Variants in EXD2 observed in about 807,000 individuals in gnomAD.
The protein encoded by EXD2 is exonuclease 3'-5' domain-containing protein 2.
EXD2 carries 40 observed loss-of-function variants against 62.5 expected under a neutral mutation model. The observed-to-expected ratio is 0.64, with a 90% CI of 0.50 to 0.83. The LOEUF (loss-of-function observed/expected upper bound fraction) is 0.83. Ranked by LOEUF, EXD2 falls within the 40% of genes least tolerant of loss-of-function variation. The pLI is 0.00. For synonymous variants in EXD2, 239 were observed against 291.9 expected (o/e 0.82, Z 1.85); for missense variants, 671 against 761.8 (o/e 0.88, Z 1.40).
intron 1 of EXD2, among the ~76,000 whole-genome samples, chr14:69,198,057 A>G (rs2042266669): frequency 6.6e-6 from 1 of 152,138 alleles, no homozygotes; most frequent in South Asian, 2.1e-4. Flanking sequence ...TCCTCTTTGT[A>G]TTGATCTGAC....
rs2043983467 is a variant in EXD2 at position 69,241,506 on chromosome 14, G to A, written c.*406G>A. Reference sequence around the variant, plus strand: ...TCTAACAGGGGCTGTCCAGTATATCGGTCCTGTTAGGAGGGGAGAAAAAGT... The same window carrying A: ...TCTAACAGGGGCTGTCCAGTATATCAGTCCTGTTAGGAGGGGAGAAAAAGT... On this transcript the variant is annotated 3_prime_UTR_variant, in exon 10 of 10. Coordinates refer to ENST00000685843, the MANE Select transcript of EXD2 (RefSeq NM_001193360.2). The A allele has an allele frequency of 1.6e-5, 4 of 250,136 alleles. No individual in the cohort carries two copies. The highest frequency in any genetic ancestry group is 5.1e-5 in the Admixed American group (1 of 19,780). 15.5% of individuals were successfully genotyped at this position (250,136 alleles called of 1,614,324 possible). A position where few individuals can be genotyped will look rare whatever the true frequency, so the allele number is the denominator to read the frequency against.
intron 1 of EXD2, among the ~76,000 whole-genome samples, chr14:69,202,496 G>A (rs142204587): frequency 1.2e-3 from 190 of 152,248 alleles, no homozygotes; most frequent in African/African-American, 4.4e-3. Context: ...TGTTCATTAC[G>A]TGTATTTTTC....
Position 69,237,698 on chromosome 14 carries a change from T to G in EXD2, c.1416T>G (p.His472Gln). The change falls in exon 9 of 10, where the codon CAT (histidine) becomes CAG (glutamine). Residue 472 changes from histidine to glutamine, a missense_variant. By Grantham distance (24) the His-to-Gln change is conservative (BLOSUM62 0). Transcript: ENST00000685843. Reference protein sequence around the residue: ...CHAISNYYDNHLKQQLAKEFQ... With the variant: ...CHAISNYYDNQLKQQLAKEFQ... ...CCATTTCCAACTACTATGACAACCA[T>G]CTGAAGCAGCAGCTGGCCAAGGAGT... is the stretch of plus-strand genomic sequence containing the variant. 6.2e-7 allele frequency: 1 copy of G among 1,614,154 alleles called. No individual in the cohort carries two copies. Among genetic ancestry groups the G allele is most frequent in the Non-Finnish European group, 8.5e-7 (1 of 1,180,012 alleles).
intron 7 of EXD2, 40 bp from the exon 8 acceptor site, chr14:69,236,367 G>T: frequency 6.2e-7 from 1 of 1,613,628 alleles, no homozygotes; most frequent in Non-Finnish European, 8.5e-7. Context: ...GGTGGTGGGG[G>T]CAGGGGGAGC....
Position 69,234,691 on chromosome 14 carries a change from T to A in EXD2, c.718-9T>A. The stretch of plus-strand genomic sequence containing the variant: ...CCAGATTCCACTGATCTCTGACTTT[T>A]CTCTTCAGGTAATTTATGCTGCCAG... On this transcript the variant is annotated splice_polypyrimidine_tract_variant and intron_variant, in intron 5 of 9. Transcript: ENST00000685843. 2 of 1,598,296 alleles carry A rather than the reference T, an allele frequency of 1.3e-6. No individual in the cohort carries two copies. The highest frequency in any genetic ancestry group is 8.5e-7 in the Non-Finnish European group (1 of 1,173,084).
chr14:69,239,672 T>C (rs2043917787), intron 9 of EXD2, among the ~76,000 whole-genome samples: 1 of 152,246 alleles, frequency 6.6e-6, no homozygotes, highest in Non-Finnish European at 1.5e-5. Context: ...AAAAGAATTA[T>C]AGAATTTTAT....
Position 69,243,974 on chromosome 14 carries a change from A to C in EXD2, c.*2874A>C, listed in dbSNP as rs2044044285. 6.6e-6 allele frequency: 1 copy of C among 152,224 alleles called. No homozygotes were observed. Among genetic ancestry groups the C allele is most frequent in the African/African-American group, 2.4e-5 (1 of 41,450 alleles). The allele number at this position is 152,224 out of a possible 1,614,324, so 9.4% of individuals were successfully genotyped here. Reference sequence around the variant, plus strand: ...TGGAAACACTGTTTATTTTAAAATAAAAATGTAAAAAAAAGGTAAAAAAAT... The same window carrying C: ...TGGAAACACTGTTTATTTTAAAATACAAATGTAAAAAAAAGGTAAAAAAAT... On this transcript the variant is annotated 3_prime_UTR_variant, in exon 10 of 10. Transcript: ENST00000685843.
rs71102636 is a variant in EXD2 at position 69,213,084 on chromosome 14, C to CTTT, written c.333+3295_333+3297dup. 1.1e-4 allele frequency among the ~76,000 whole-genome samples: 14 copies of CTTT among 126,590 alleles called. 1 individual carries two copies. Among genetic ancestry groups the CTTT allele is most frequent in the East Asian group, 2.3e-4 (1 of 4,314 alleles). The allele number at this position is 126,590 out of a possible 152,430, so 83.0% of individuals were successfully genotyped here. A position where few individuals can be genotyped will look rare whatever the true frequency, so the allele number is the denominator to read the frequency against. On this transcript the variant is annotated intron_variant, in intron 3 of 9. Transcript: ENST00000685843. ...TACCTTCCTGTATTCTTCTTCTTTT[C>CTTT]TTTTTTTTTTTTTTTTGTAGATGGG...
intron 3 of EXD2, among the ~76,000 whole-genome samples, chr14:69,223,256 T>C (rs2140285979): frequency 6.6e-6 from 1 of 152,328 alleles, no homozygotes; most frequent in South Asian, 2.1e-4. Context: ...TGCCAGCCTT[T>C]CATATTCACC....
intron 5 of EXD2, among the ~76,000 whole-genome samples, chr14:69,232,084 T>A (rs953142542): frequency 2.6e-5 from 4 of 152,164 alleles, no homozygotes; most frequent in Non-Finnish European, 5.9e-5. Context: ...CAATGTGTAA[T>A]CTCTCCCTTA....
At chr14:69,203,756 C>T (rs1023967948) in intron 1 of EXD2, among the ~76,000 whole-genome samples, 161 bp from the exon 2 acceptor site, 2 of 152,178 alleles carry the variant, frequency 1.3e-5, no homozygotes, top group African/African-American at 4.8e-5. Context: ...AAAATTTTAA[C>T]TCTGATTTTT....
rs574452111 is a variant in EXD2, at chr14:69,218,507, T to G, written c.333+8704T>G. On this transcript the variant is annotated intron_variant, in intron 3 of 9. Transcript: ENST00000685843. ...TGTTCACTCTGATGGTAGTTTCTTT[T>G]GCTGTGCAGAAGCTCTTTAGTTTAA... 3.2e-3 allele frequency among the ~76,000 whole-genome samples: 494 copies of G among 152,340 alleles called. 3 individuals are homozygous for G. The highest frequency in any genetic ancestry group is 0.011 in the African/African-American group (452 of 41,584).
intron 5 of EXD2, among the ~76,000 whole-genome samples, chr14:69,234,199 GT>G (rs908924238): frequency 6.6e-6 from 1 of 151,874 alleles, no homozygotes; most frequent in South Asian, 2.1e-4. Context: ...AAACCTATTT[GT>G]TTTTTTTGTT....
Position 69,205,505 on chromosome 14 carries a change from C to A in EXD2, c.-48+1505C>A, listed in dbSNP as rs1398351656. On this transcript the variant is annotated intron_variant, in intron 2 of 9. Transcript: ENST00000685843. ...TTAAAAATTTTTAATAAATATTTTT[C>A]ATATCTAGAATGTATATATTTTTGT... Among the ~76,000 whole-genome samples the A allele has an allele frequency of 2.6e-5, 4 of 151,930 alleles. No individual in the cohort carries two copies. The South Asian group carries it at 8.3e-4, about 31-fold the overall frequency.
intron 2 of EXD2, among the ~76,000 whole-genome samples, chr14:69,207,693 G>A (rs1034175273): frequency 2.0e-5 from 3 of 152,020 alleles, no homozygotes; most frequent in African/African-American, 4.8e-5. Context: ...TTTGGCTGGC[G>A]CAATATTTTT....
chr14:69,236,426 C>T lies in EXD2; in HGVS notation c.1176C>T (p.Pro392=), dbSNP rs1173669345. Residue 392 remains proline (P), a synonymous_variant, in exon 8 of 10, where the codon CCC becomes CCT. Transcript: ENST00000685843. ...KGIGELVSEE[P]FVVKLRFEPA... ...CTTAAGAGCTGGTGAGTGAAGAGCCCTTTGTGGTGAAGCTACGGTTTGAAC... is the reference window on the plus strand; with the variant it reads ...CTTAAGAGCTGGTGAGTGAAGAGCCTTTTGTGGTGAAGCTACGGTTTGAAC... 2 of 1,614,030 alleles carry T rather than the reference C, an allele frequency of 1.2e-6. No individual in the cohort carries two copies. Among genetic ancestry groups the T allele is most frequent in the South Asian group, 1.1e-5 (1 of 91,064 alleles).
intron 6 of EXD2, 94 bp downstream of exon 6, chr14:69,235,125 GT>G: frequency 8.6e-7 from 1 of 1,160,904 alleles, no homozygotes; most frequent in Non-Finnish European, 1.2e-6. Flanking sequence ...AAGGCTTGTA[GT>G]AGGGGAGCAG....
chr14:69,218,882 C>CTG (rs2043074314), intron 3 of EXD2, among the ~76,000 whole-genome samples: 1 of 152,136 alleles, frequency 6.6e-6, no homozygotes, highest in Non-Finnish European at 1.5e-5. Context: ...TGTTTTGGTA[C>CTG]CAGTACCATG....
At chr14:69,210,477 T>C (rs2042769379) in intron 3 of EXD2, among the ~76,000 whole-genome samples, 1 of 152,118 alleles carries the variant, frequency 6.6e-6, no homozygotes, top group African/African-American at 2.4e-5. Flanking sequence ...AAAAAGTGAG[T>C]TACATGAGTT....
Sources: allele counts gnomAD v4.1 joint callset (sites outside exome capture counted in the v4.1 genomes callset), GRCh38; gene constraint gnomAD v4.1.1; transcripts MANE v1.5; gene names NCBI Gene and HGNC (gene_info 2026-07-23, HGNC 2026-07-21).